APBB2: variants seen among roughly 807,000 people sequenced by gnomAD.
The protein encoded by APBB2 is Fe65-like 1.
In APBB2, 38 loss-of-function variants were observed where a neutral mutation model predicts 82.5. The observed-to-expected ratio is 0.46, with a 90% CI of 0.36 to 0.60. The LOEUF (loss-of-function observed/expected upper bound fraction) is 0.60. Among genes scored for constraint, APBB2 ranks in the 20% least tolerant of loss-of-function variants. The pLI, the probability that APBB2 is intolerant of heterozygous loss-of-function variation, is 0.00. For missense variants in APBB2, 772 were observed against 972.3 expected, an observed-to-expected ratio of 0.79 and a Z score of 2.74; for synonymous variants, 341 against 368.2, an observed-to-expected ratio of 0.93 and a Z score of 0.85.
At chr4:40,912,888 T>C (rs1001789659) in intron 10 of APBB2, among the ~76,000 whole-genome samples, 1 of 152,208 alleles carries the variant, frequency 6.6e-6, no homozygotes, top group Non-Finnish European at 1.5e-5. Flanking sequence ...TGGGAAACCA[T>C]TCTTACTCCC....
intron 1 of APBB2, among the ~76,000 whole-genome samples, chr4:41,196,020 T>A: frequency 7.0e-6 from 1 of 142,100 alleles, no homozygotes; most frequent in Non-Finnish European, 1.5e-5. Context: ...ATTAGCTGGG[T>A]GTGGTGGCGG....
chr4:40,912,231 C>T (rs1204480202), intron 10 of APBB2, among the ~76,000 whole-genome samples: 1 of 152,174 alleles, frequency 6.6e-6, no homozygotes, highest in African/African-American at 2.4e-5. Context: ...AGCCACACTC[C>T]CAATCACAAT....
chr4:40,932,834 C>T (rs576194915), intron 10 of APBB2, among the ~76,000 whole-genome samples: 47 of 152,208 alleles, frequency 3.1e-4, no homozygotes, highest in African/African-American at 1.1e-3. Flanking sequence ...TCCTTTCTTC[C>T]GTATGCTTTC....
At chr4:41,100,393 C>T (rs2153967776) in intron 3 of APBB2, among the ~76,000 whole-genome samples, 1 of 152,098 alleles carries the variant, frequency 6.6e-6, no homozygotes, top group African/African-American at 2.4e-5. Context: ...TTTGTCACAA[C>T]CTTGAGGACT....
intron 12 of APBB2, among the ~76,000 whole-genome samples, chr4:40,882,688 G>T (rs1469983083): frequency 6.6e-6 from 1 of 152,200 alleles, no homozygotes; most frequent in East Asian, 1.9e-4. Context: ...AGCGTAGTCT[G>T]CGGAGTCCCA....
At chr4:41,129,841 G>C (rs1041927867) in intron 2 of APBB2, among the ~76,000 whole-genome samples, 1 of 151,810 alleles carries the variant, frequency 6.6e-6, no homozygotes, top group Non-Finnish European at 1.5e-5. Flanking sequence ...TTATATTCCA[G>C]TGAGAAGAGA....
chr4:40,900,325 T>C (rs934663575), intron 10 of APBB2, among the ~76,000 whole-genome samples: 4 of 152,218 alleles, frequency 2.6e-5, no homozygotes, highest in African/African-American at 7.2e-5. Context: ...TGAGAGTATC[T>C]GAGAGTAGAT....
At chr4:41,027,402 T>TAA (rs1714857997) in intron 5 of APBB2, among the ~76,000 whole-genome samples, 2 of 124,136 alleles carry the variant, frequency 1.6e-5, no homozygotes, top group African/African-American at 6.0e-5. Flanking sequence ...TATATATATA[T>TAA]ATAACATTTT....
chr4:41,071,743 G>A (rs1410198896), intron 3 of APBB2, among the ~76,000 whole-genome samples: 1 of 152,028 alleles, frequency 6.6e-6, no homozygotes, highest in Admixed American at 6.6e-5. Flanking sequence ...GAATGATCAC[G>A]ATTTTCAAAA....
intron 4 of APBB2, among the ~76,000 whole-genome samples, chr4:41,049,811 G>A (rs1388351075): frequency 6.6e-6 from 1 of 152,164 alleles, no homozygotes; most frequent in Non-Finnish European, 1.5e-5. Flanking sequence ...GCCTTGGGAT[G>A]CCTTACCCCC....
intron 4 of APBB2, among the ~76,000 whole-genome samples, chr4:41,036,727 T>A (rs930719899): frequency 1.3e-5 from 2 of 152,206 alleles, no homozygotes; most frequent in African/African-American, 2.4e-5. Context: ...CAACTAGGAT[T>A]TAGGTAGATA....
intron 6 of APBB2, among the ~76,000 whole-genome samples, chr4:40,957,560 A>ACTGCTT (rs1791977132): frequency 6.7e-6 from 1 of 150,172 alleles, no homozygotes; most frequent in African/African-American, 2.4e-5. Context: ...TTGATGGGGG[A>ACTGCTT]CTGCTTCTGC....
chr4:41,198,915 G>A (rs973465332), intron 1 of APBB2, among the ~76,000 whole-genome samples: 5 of 152,070 alleles, frequency 3.3e-5, no homozygotes, highest in African/African-American at 9.7e-5. Flanking sequence ...GTCTTTATAC[G>A]ACACTCTACC....
chr4:40,821,059 G>T (rs1264769603), intron 17 of APBB2, among the ~76,000 whole-genome samples: 1 of 152,156 alleles, frequency 6.6e-6, no homozygotes, highest in Non-Finnish European at 1.5e-5. Context: ...TAGAGACAGG[G>T]CTTCTCCATT....
intron 12 of APBB2, among the ~76,000 whole-genome samples, chr4:40,875,764 C>T (rs1328487971): frequency 1.3e-5 from 2 of 151,006 alleles, no homozygotes; most frequent in Non-Finnish European, 2.9e-5. Context: ...ATTTGTAGAA[C>T]ATTAATATGT....
intron 1 of APBB2, among the ~76,000 whole-genome samples, chr4:41,208,361 A>G (rs1178955880): frequency 6.6e-6 from 1 of 152,206 alleles, no homozygotes; most frequent in Non-Finnish European, 1.5e-5. Context: ...TCCTGGGTTC[A>G]AGCGATTCTC....
intron 6 of APBB2, among the ~76,000 whole-genome samples, chr4:40,957,092 T>A (rs1403400624): frequency 6.6e-6 from 1 of 152,194 alleles, no homozygotes; most frequent in Non-Finnish European, 1.5e-5. Flanking sequence ...CAGGACTGAT[T>A]TCAGCTCCTA....
intron 10 of APBB2, among the ~76,000 whole-genome samples, chr4:40,900,900 A>T (rs1578289015): frequency 6.6e-6 from 1 of 152,234 alleles, no homozygotes; most frequent in East Asian, 1.9e-4. Context: ...CCAGAGACTT[A>T]TTATCAATGG....
At chr4:41,027,366 T>TATATATATATAC (rs1560559931) in intron 5 of APBB2, among the ~76,000 whole-genome samples, 1 of 8,796 alleles carries the variant, frequency 1.1e-4, no homozygotes, top group African/African-American at 3.7e-4. Flanking sequence ...TATTGTTACA[T>TATATATATATAC]ATATATATAT....
Sources: gnomAD v4.1 joint callset for allele counts (sites outside exome capture counted in the v4.1 genomes callset) on GRCh38, gnomAD v4.1.1 for gene constraint, MANE v1.5 for transcripts, NCBI Gene and HGNC (gene_info 2026-07-23, HGNC 2026-07-21) for gene names.